Variants in EBF1 observed in about 807,000 individuals in gnomAD.
EBF1 encodes transcription factor COE1.
In EBF1, 10 loss-of-function variants were observed where a neutral mutation model predicts 68.4. The ratio of observed to expected loss-of-function variants is 0.15; its 90% CI spans 0.09 to 0.25. EBF1 has a LOEUF of 0.25. EBF1 is among the 10% of genes least tolerant of loss of function. The probability of loss-of-function intolerance (pLI) is 1.00; values close to 1 mark genes in which losing one functional copy is unlikely to be tolerated. For synonymous variants in EBF1, 298 were observed against 299.8 expected, an observed-to-expected ratio of 0.99 and a Z score of 0.06; for missense variants, 509 against 794.4, an observed-to-expected ratio of 0.64 and a Z score of 4.32.
chr5:159,000,579 A>G (rs1762338440), intron 6 of EBF1, among the ~76,000 whole-genome samples: 1 of 152,230 alleles, frequency 6.6e-6, no homozygotes, highest in African/African-American at 2.4e-5. Flanking sequence ...AAAACTATTG[A>G]CAGCAGGTGT....
chr5:158,711,769 G>A (rs1364546475), intron 14 of EBF1, among the ~76,000 whole-genome samples: 6 of 152,078 alleles, frequency 3.9e-5, no homozygotes, highest in Admixed American at 2.0e-4. Context: ...GAACTCCTGG[G>A]CTCAAGCAAA....
intron 6 of EBF1, among the ~76,000 whole-genome samples, chr5:158,975,985 C>A (rs1207107387): frequency 6.6e-6 from 1 of 152,188 alleles, no homozygotes; most frequent in Non-Finnish European, 1.5e-5. Flanking sequence ...GATTTCCTTT[C>A]TTGCACCTGA....
intron 9 of EBF1, among the ~76,000 whole-genome samples, chr5:158,793,658 ACT>A (rs1779099882): frequency 6.6e-6 from 1 of 152,068 alleles, no homozygotes; most frequent in Non-Finnish European, 1.5e-5. Context: ...CCTCTCTGAA[ACT>A]CAGTTTACTC....
At chr5:158,947,038 C>G (rs1814907318) in intron 6 of EBF1, among the ~76,000 whole-genome samples, 1 of 152,214 alleles carries the variant, frequency 6.6e-6, no homozygotes, top group African/African-American at 2.4e-5. Context: ...CCCCTCCCCC[C>G]ACCAACCTCA....
intron 10 of EBF1, among the ~76,000 whole-genome samples, chr5:158,758,951 TTTC>T (rs1316620432): frequency 6.6e-6 from 1 of 152,226 alleles, no homozygotes; most frequent in Non-Finnish European, 1.5e-5. Flanking sequence ...ATAATGATGA[TTTC>T]TTTTCATTCT....
rs182297797 is a variant in EBF1, at chr5:158,713,332, C to T, written c.1192-185G>A. Reference sequence around the variant, plus strand: ...CATGCCTGTATCCGAAATGGGGAAACTGAGGCTCAGAAAGTCAAAAACCTC... The same window carrying T: ...CATGCCTGTATCCGAAATGGGGAAATTGAGGCTCAGAAAGTCAAAAACCTC... On this transcript the variant is annotated intron_variant, in intron 12 of 15. Transcript: ENST00000313708. Among the ~76,000 whole-genome samples the T allele has an allele frequency of 8.5e-4, 130 of 152,262 alleles. No individual in the cohort carries two copies. In the Middle Eastern group the frequency reaches 0.014, roughly 16 times the overall value.
chr5:158,841,735 G>A (rs1790375039), intron 6 of EBF1, among the ~76,000 whole-genome samples: 1 of 152,208 alleles, frequency 6.6e-6, no homozygotes, highest in Admixed American at 6.5e-5. Flanking sequence ...ATGAAACTGA[G>A]AGAAGTCCCA....
rs373542056 is a variant in EBF1 at position 158,997,036 on chromosome 5, C to T, written c.554+76360G>A. On this transcript the variant is annotated intron_variant, in intron 6 of 15. Coordinates refer to ENST00000313708, the MANE Select transcript of EBF1 (RefSeq NM_024007.5). ...ATCTCAAGGATCAGAACACAGCACACGTATGAACACAGCAGTGCTCACATC... is the reference window on the plus strand; with the variant it reads ...ATCTCAAGGATCAGAACACAGCACATGTATGAACACAGCAGTGCTCACATC... Among the ~76,000 whole-genome samples the T allele has an allele frequency of 2.4e-3, 366 of 152,268 alleles. 2 individuals carry two copies. Among genetic ancestry groups the T allele is most frequent in the African/African-American group, 8.3e-3 (345 of 41,560 alleles).
At chr5:159,044,408 A>C (rs184026497) in intron 6 of EBF1, among the ~76,000 whole-genome samples, 1 of 152,200 alleles carries the variant, frequency 6.6e-6, no homozygotes, top group African/African-American at 2.4e-5. Context: ...CTGAATACTT[A>C]AATTTTCATA....
At chr5:158,764,756 T>C (rs1772276381) in intron 10 of EBF1, among the ~76,000 whole-genome samples, 1 of 152,022 alleles carries the variant, frequency 6.6e-6, no homozygotes, top group Non-Finnish European at 1.5e-5. Flanking sequence ...AACTAAAAAG[T>C]GGAATAAAAC....
chr5:158,729,701 G>A (rs1581391735), intron 11 of EBF1, among the ~76,000 whole-genome samples: 1 of 152,266 alleles, frequency 6.6e-6, no homozygotes, highest in East Asian at 1.9e-4. Flanking sequence ...GGGTGGAAAA[G>A]GAAAGGGAAG....
intron 10 of EBF1, among the ~76,000 whole-genome samples, chr5:158,753,922 C>T (rs1769477705): frequency 6.6e-6 from 1 of 151,700 alleles, no homozygotes; most frequent in African/African-American, 2.4e-5. Context: ...AACATGAGTC[C>T]CTGGTAAAAT....
intron 4 of EBF1, among the ~76,000 whole-genome samples, chr5:159,088,887 A>G (rs1781160459): frequency 6.6e-6 from 1 of 152,166 alleles, no homozygotes; most frequent in Admixed American, 6.5e-5. Context: ...AAGAATCAAA[A>G]ATGCAATATC....
Position 158,731,168 on chromosome 5 carries a change from G to A in EBF1, c.1037-11C>T, listed in dbSNP as rs762837314. Reference sequence around the variant, plus strand: ...TGGGTTCGTTGAGCGCTGCAATAAAGAAGTCACACAATTAGTACATTTTCA... The same window carrying A: ...TGGGTTCGTTGAGCGCTGCAATAAAAAAGTCACACAATTAGTACATTTTCA... On this transcript the variant is annotated splice_polypyrimidine_tract_variant and intron_variant, in intron 10 of 15. Transcript: ENST00000313708. 11 of 1,612,978 alleles carry A rather than the reference G, an allele frequency of 6.8e-6. No homozygotes were observed. The highest frequency in any genetic ancestry group is 9.3e-6 in the Non-Finnish European group (11 of 1,179,190).
intron 6 of EBF1, among the ~76,000 whole-genome samples, chr5:158,879,408 T>C (rs1354495368): frequency 6.6e-6 from 1 of 152,162 alleles, no homozygotes; most frequent in Non-Finnish European, 1.5e-5. Context: ...GAAACACTCT[T>C]GGGTGTTTCT....
intron 8 of EBF1, among the ~76,000 whole-genome samples, chr5:158,801,330 T>C (rs1462869843): frequency 6.6e-6 from 1 of 152,168 alleles, no homozygotes; most frequent in Non-Finnish European, 1.5e-5. Context: ...ATGTGTGTGC[T>C]TTTATTAAAT....
At chr5:158,757,231 C>T (rs752984357) in intron 10 of EBF1, among the ~76,000 whole-genome samples, 12 of 152,086 alleles carry the variant, frequency 7.9e-5, no homozygotes, top group Non-Finnish European at 1.6e-4. Context: ...AAAGGGAAGG[C>T]GGGCTCTCTG....
intron 10 of EBF1, among the ~76,000 whole-genome samples, chr5:158,763,151 G>A (rs1771869661): frequency 6.6e-6 from 1 of 152,110 alleles, no homozygotes; most frequent in South Asian, 2.1e-4. Flanking sequence ...ATCTCCTCAA[G>A]GACCACCAGG....
intron 6 of EBF1, among the ~76,000 whole-genome samples, chr5:159,012,002 C>CA (rs2127682878): frequency 6.6e-6 from 1 of 152,314 alleles, no homozygotes; most frequent in East Asian, 1.9e-4. Flanking sequence ...AAAATGCTGA[C>CA]ATGTGGCCGG....
Sources: gnomAD v4.1 joint callset for allele counts (sites outside exome capture counted in the v4.1 genomes callset) on GRCh38, gnomAD v4.1.1 for gene constraint, MANE v1.5 for transcripts, NCBI Gene and HGNC (gene_info 2026-07-23, HGNC 2026-07-21) for gene names.